Variants in DIAPH2 observed in about 807,000 individuals in gnomAD.
DIAPH2 encodes the protein diaphanous related formin 2.
In DIAPH2, 35 loss-of-function variants were observed where a neutral mutation model predicts 92.7. The ratio of observed to expected loss-of-function variants is 0.38; its 90% CI spans 0.29 to 0.50. DIAPH2 has a LOEUF of 0.50. Among genes scored for constraint, DIAPH2 ranks in the 20% least tolerant of loss-of-function variants. DIAPH2 has a pLI of 0.94. For missense variants in DIAPH2, 701 were observed against 819.5 expected, an observed-to-expected ratio of 0.86 and a Z score of 1.77; for synonymous variants, 301 against 280.4, an observed-to-expected ratio of 1.07 and a Z score of -0.73.
chrX:96,832,474 T>A (rs1000707427), intron 4 of DIAPH2, among the ~76,000 whole-genome samples: 4 of 110,289 alleles, frequency 3.6e-5, no homozygotes, highest in Non-Finnish European at 7.6e-5. Context: ...AGAGAGGGGC[T>A]CCTAAAAGAC....
intron 23 of DIAPH2, among the ~76,000 whole-genome samples, chrX:97,312,873 G>A (rs998824516): frequency 9.0e-6 from 1 of 110,629 alleles, no homozygotes; most frequent in African/African-American, 3.3e-5. Flanking sequence ...TTAGTTTACC[G>A]AAGTCTAAAT....
At chrX:97,115,567 G>T (rs1240370610) in intron 21 of DIAPH2, among the ~76,000 whole-genome samples, 2 of 110,909 alleles carry the variant, frequency 1.8e-5, no homozygotes, top group African/African-American at 6.6e-5. Flanking sequence ...AATAGATGCA[G>T]TATTATATTT....
At chrX:97,263,025 G>A (rs939726726) in intron 23 of DIAPH2, among the ~76,000 whole-genome samples, 5 of 112,312 alleles carry the variant, frequency 4.5e-5, no homozygotes, top group African/African-American at 1.6e-4. Context: ...GATTAAAAAG[G>A]TATTATATGT....
intron 22 of DIAPH2, among the ~76,000 whole-genome samples, chrX:97,166,401 G>A (rs1172494149): frequency 1.8e-5 from 2 of 111,752 alleles, no homozygotes; most frequent in Non-Finnish European, 3.8e-5. Context: ...TAAAGATGGT[G>A]AAATAAATGT....
intron 4 of DIAPH2, among the ~76,000 whole-genome samples, chrX:96,829,401 A>T (rs1273580591): frequency 9.3e-6 from 1 of 107,859 alleles, no homozygotes; most frequent in Non-Finnish European, 1.9e-5. Context: ...TGACTATCTG[A>T]TAAAGTATGT....
At chrX:97,148,572 T>C (rs971928414) in intron 22 of DIAPH2, among the ~76,000 whole-genome samples, 9 of 111,169 alleles carry the variant, frequency 8.1e-5, no homozygotes, top group Admixed American at 6.7e-4. Context: ...GGTGCTATCA[T>C]AGCACCTCAG....
intron 23 of DIAPH2, among the ~76,000 whole-genome samples, chrX:97,287,135 C>A (rs1237059177): frequency 9.0e-6 from 1 of 110,570 alleles, no homozygotes; most frequent in Admixed American, 9.7e-5. Flanking sequence ...ATGGTGAAAC[C>A]CCGTCTCTAC....
intron 22 of DIAPH2, among the ~76,000 whole-genome samples, chrX:97,178,443 CTTT>C (rs766983375): frequency 8.9e-5 from 6 of 67,289 alleles, no homozygotes; most frequent in Non-Finnish European, 1.6e-4. Context: ...CTATATTTCT[CTTT>C]TTTTTTTTTT....
rs1341622407 is a variant in DIAPH2, at chrX:97,601,492, A to G, written c.*2175A>G. 1 of 110,742 alleles carries G rather than the reference A, an allele frequency of 9.0e-6. No homozygotes were observed. Among genetic ancestry groups the G allele is most frequent in the Non-Finnish European group, 1.9e-5 (1 of 52,855 alleles). The allele number at this position is 110,742 out of a possible 1,213,427, so 9.1% of individuals were successfully genotyped here. ...GTCTTTCATGAAGTTCCAATAGTTGAGTGAGTTAAAAGGTTTGTTTCCCAG... is the reference window on the plus strand; with the variant it reads ...GTCTTTCATGAAGTTCCAATAGTTGGGTGAGTTAAAAGGTTTGTTTCCCAG... On this transcript the variant is annotated 3_prime_UTR_variant, in exon 27 of 27. Coordinates refer to ENST00000324765, the MANE Select transcript of DIAPH2 (RefSeq NM_006729.5).
intron 25 of DIAPH2, among the ~76,000 whole-genome samples, chrX:97,427,584 CT>C (rs1174345359): frequency 2.7e-5 from 3 of 110,966 alleles, no homozygotes; most frequent in African/African-American, 9.8e-5. Context: ...ACCTTCAGGT[CT>C]TTTTTTTTCT....
At chrX:96,700,222 TG>T (rs1435581865) in intron 1 of DIAPH2, among the ~76,000 whole-genome samples, 2 of 111,877 alleles carry the variant, frequency 1.8e-5, no homozygotes, top group African/African-American at 3.2e-5. Flanking sequence ...TTGCCCAGGC[TG>T]GTCTTGAACC....
intron 1 of DIAPH2, among the ~76,000 whole-genome samples, chrX:96,698,032 T>TG (rs1183272574): frequency 2.7e-5 from 3 of 111,041 alleles, no homozygotes; most frequent in African/African-American, 9.8e-5. Context: ...AGCCCACCAC[T>TG]GGGGAAAAAA....
At chrX:97,275,585 C>A (rs1481638278) in intron 23 of DIAPH2, among the ~76,000 whole-genome samples, 2 of 106,861 alleles carry the variant, frequency 1.9e-5, no homozygotes, top group African/African-American at 6.8e-5. Flanking sequence ...GGCAGAGGGG[C>A]TCCTCACTTC....
chrX:96,955,492 A>G (rs755584301), intron 15 of DIAPH2, among the ~76,000 whole-genome samples: 25 of 111,030 alleles, frequency 2.3e-4, no homozygotes, highest in Non-Finnish European at 4.3e-4. Context: ...ACAGTTCCCC[A>G]AAGTCTTAAC....
At chrX:96,789,019 G>T (rs775038371) in intron 4 of DIAPH2, among the ~76,000 whole-genome samples, 18 of 112,316 alleles carry the variant, frequency 1.6e-4, no homozygotes, top group South Asian at 7.4e-4. Flanking sequence ...TTGTTAGAAG[G>T]ACTCACAGGA....
At chrX:97,026,026 G>C (rs1475722256) in intron 17 of DIAPH2, among the ~76,000 whole-genome samples, 2 of 111,912 alleles carry the variant, frequency 1.8e-5, no homozygotes, top group African/African-American at 3.3e-5. Context: ...GCTCTTGCCT[G>C]AAAACTTTAT....
intron 17 of DIAPH2, among the ~76,000 whole-genome samples, chrX:97,023,857 TAGC>T (rs2066313963): frequency 8.9e-6 from 1 of 112,398 alleles, no homozygotes; most frequent in Non-Finnish European, 1.9e-5. Flanking sequence ...TACCTTATCT[TAGC>T]AGTGATGCTA....
intron 20 of DIAPH2, among the ~76,000 whole-genome samples, chrX:97,101,202 G>A (rs758016262): frequency 1.4e-4 from 16 of 110,513 alleles, no homozygotes; most frequent in Non-Finnish European, 2.5e-4. Flanking sequence ...GCTGTGTCAT[G>A]ATGGTTATGA....
chrX:97,283,337 A>G (rs188763931), intron 23 of DIAPH2, among the ~76,000 whole-genome samples: 215 of 111,747 alleles, frequency 1.9e-3, no homozygotes, highest in African/African-American at 6.6e-3. Context: ...TATAACCACT[A>G]TTCTTTAACC....
Sources: allele counts gnomAD v4.1 joint callset (sites outside exome capture counted in the v4.1 genomes callset), GRCh38; gene constraint gnomAD v4.1.1; transcripts MANE v1.5; gene names NCBI Gene and HGNC (gene_info 2026-07-23, HGNC 2026-07-21).